SH3BP5: variants seen among roughly 807,000 people sequenced by gnomAD.
SH3BP5 encodes the protein SH3 domain binding protein 5.
A neutral mutation model predicts 43.3 loss-of-function variants in SH3BP5; 22 were observed. That is an observed-to-expected ratio of 0.51 (90% confidence interval 0.36 to 0.73). The LOEUF is 0.73. Among genes scored for constraint, SH3BP5 ranks in the 30% least tolerant of loss-of-function variants. The pLI is 0.00. For synonymous variants in SH3BP5, 255 were observed against 225.8 expected (o/e 1.13, Z -1.16); for missense variants, 529 against 586.9 (o/e 0.90, Z 1.02).
At chr3:15,271,323 G>A (rs1283334137) in intron 3 of SH3BP5, among the ~76,000 whole-genome samples, 11 of 152,006 alleles carry the variant, frequency 7.2e-5, no homozygotes, top group Non-Finnish European at 1.6e-4. Flanking sequence ...CAATTATGCC[G>A]CTGCACTCCA....
chr3:15,283,334 C>G (rs1543984), intron 3 of SH3BP5, among the ~76,000 whole-genome samples: 22,469 of 152,156 alleles, frequency 0.15, 2,171 homozygotes, highest in African/African-American at 0.26. Flanking sequence ...GAAAGGGAGG[C>G]TGCAGTAAGC....
chr3:15,325,360 A>T (rs1443262026), intron 2 of SH3BP5, among the ~76,000 whole-genome samples: 1 of 152,210 alleles, frequency 6.6e-6, no homozygotes, highest in Admixed American at 6.5e-5. Flanking sequence ...TTACTCGCCC[A>T]TGCCTGGCAC....
intron 6 of SH3BP5, chr3:15,259,309 G>A (rs1340123439): frequency 1.6e-5 from 9 of 564,140 alleles, no homozygotes; most frequent in Non-Finnish European, 2.8e-5. Context: ...CATCAGGGAA[G>A]CAAAAATGGG....
chr3:15,322,289 A>C (rs1180523517), intron 2 of SH3BP5, among the ~76,000 whole-genome samples: 1 of 152,052 alleles, frequency 6.6e-6, no homozygotes, highest in African/African-American at 2.4e-5. Context: ...TATGCTCTAT[A>C]TAGTTTTATA....
intron 2 of SH3BP5, among the ~76,000 whole-genome samples, chr3:15,323,315 G>A (rs1698383780): frequency 1.3e-5 from 2 of 152,112 alleles, no homozygotes; most frequent in African/African-American, 2.4e-5. Context: ...GTGCCAATCT[G>A]ACAAAGAAAG....
At chr3:15,316,488 G>T (rs1698188867) in intron 2 of SH3BP5, among the ~76,000 whole-genome samples, 1 of 152,046 alleles carries the variant, frequency 6.6e-6, no homozygotes, top group African/African-American at 2.4e-5. Flanking sequence ...CTCCCAAAGT[G>T]CTGGGATTAC....
chr3:15,292,977 T>A (rs1007259158), intron 3 of SH3BP5, among the ~76,000 whole-genome samples: 1 of 152,232 alleles, frequency 6.6e-6, no homozygotes, highest in African/African-American at 2.4e-5. Context: ...TCTACTTGTG[T>A]GTGTCAGGAG....
At chr3:15,268,113 G>A (rs548691754) in intron 4 of SH3BP5, among the ~76,000 whole-genome samples, 12 of 152,300 alleles carry the variant, frequency 7.9e-5, no homozygotes, top group African/African-American at 2.6e-4. Context: ...TGAGCATCAC[G>A]CCCACTAGGG....
At chr3:15,260,381 T>C (rs1227805069) in intron 5 of SH3BP5, 1 of 158,202 alleles carries the variant, frequency 6.3e-6, no homozygotes, top group Non-Finnish European at 1.4e-5. Context: ...AGCCACATAA[T>C]GGGCCCAAGA....
At chr3:15,286,592 G>C (rs1332073407) in intron 3 of SH3BP5, among the ~76,000 whole-genome samples, 1 of 152,170 alleles carries the variant, frequency 6.6e-6, no homozygotes, top group Non-Finnish European at 1.5e-5. Flanking sequence ...CTGTCGCCCA[G>C]GCTACAGTGC....
intron 3 of SH3BP5, among the ~76,000 whole-genome samples, chr3:15,290,036 A>G (rs1697367637): frequency 6.6e-6 from 1 of 152,176 alleles, no homozygotes; most frequent in African/African-American, 2.4e-5. Flanking sequence ...GCTTTGACAA[A>G]GGGCTGGGGC....
At chr3:15,269,659 G>C in intron 4 of SH3BP5, 54 bp downstream of exon 4, 1 of 1,482,918 alleles carries the variant, frequency 6.7e-7, no homozygotes, top group Non-Finnish European at 9.0e-7. Context: ...CTCAGGGGAA[G>C]CCAGCGCGCA....
At chr3:15,267,507 T>G (rs1696677655) in intron 4 of SH3BP5, among the ~76,000 whole-genome samples, 1 of 152,198 alleles carries the variant, frequency 6.6e-6, no homozygotes, top group Admixed American at 6.5e-5. Flanking sequence ...TCCTGGCATG[T>G]GACCCGGAAC....
At chr3:15,316,691 T>A (rs1698194805) in intron 2 of SH3BP5, among the ~76,000 whole-genome samples, 1 of 151,306 alleles carries the variant, frequency 6.6e-6, no homozygotes, top group Admixed American at 6.6e-5. Flanking sequence ...AATTTTTTTA[T>A]GATATGATGT....
At chr3:15,276,766 T>C (rs1696983268) in intron 3 of SH3BP5, among the ~76,000 whole-genome samples, 1 of 152,234 alleles carries the variant, frequency 6.6e-6, no homozygotes, top group African/African-American at 2.4e-5. Context: ...CCTACAGGTC[T>C]GGATACAGAT....
intron 3 of SH3BP5, among the ~76,000 whole-genome samples, 183 bp downstream of exon 3, chr3:15,303,920 C>T (rs1298912713): frequency 1.3e-5 from 2 of 152,174 alleles, no homozygotes; most frequent in Non-Finnish European, 2.9e-5. Flanking sequence ...AATGCCAGCA[C>T]TCACACCCTA....
chr3:15,316,377 A>G (rs1698185822), intron 2 of SH3BP5, among the ~76,000 whole-genome samples: 2 of 151,910 alleles, frequency 1.3e-5, no homozygotes, highest in South Asian at 4.2e-4. Flanking sequence ...GGTGCCCACG[A>G]CCACACTCAG....
chr3:15,305,549 C>A (rs1212863120), intron 2 of SH3BP5, among the ~76,000 whole-genome samples: 1 of 152,096 alleles, frequency 6.6e-6, no homozygotes, highest in Non-Finnish European at 1.5e-5. Flanking sequence ...GGCGCCAGAC[C>A]ATGTATTAGA....
intron 3 of SH3BP5, among the ~76,000 whole-genome samples, chr3:15,274,309 G>C (rs139446455): frequency 2.1e-4 from 32 of 152,150 alleles, no homozygotes; most frequent in African/African-American, 6.7e-4. Context: ...ATAAAGAAAA[G>C]AGGCTTAATC....
Sources: allele counts gnomAD v4.1 joint callset (sites outside exome capture counted in the v4.1 genomes callset), GRCh38; gene constraint gnomAD v4.1.1; transcripts MANE v1.5; gene names NCBI Gene and HGNC (gene_info 2026-07-23, HGNC 2026-07-21).